DHTKD1: variants seen among roughly 807,000 people sequenced by gnomAD.
The protein encoded by DHTKD1 is dehydrogenase E1 and transketolase domain containing 1.
In DHTKD1, 78 loss-of-function variants were observed where a neutral mutation model predicts 101.8. The ratio of observed to expected loss-of-function variants is 0.77; its 90% CI spans 0.64 to 0.93. The LOEUF is 0.93. DHTKD1 is among the 40% of genes least tolerant of loss of function. The pLI, the probability that DHTKD1 is intolerant of heterozygous loss-of-function variation, is 0.00. For missense variants in DHTKD1, 1,223 were observed against 1,161.7 expected (o/e 1.05, Z -0.77); for synonymous variants, 462 against 450.3 (o/e 1.03, Z -0.33).
In DHTKD1 at chr10:12,076,294, G is replaced by A. The variant is rs1349197970; in HGVS notation, c.155-5178G>A. On this transcript the variant is annotated intron_variant, in intron 1 of 16. Transcript: ENST00000263035. Reference sequence around the variant, plus strand: ...AGATACAGACTATCCTGGCTAACACGGTGAAACCCCGTCTCTACTAAAATA... The same window carrying A: ...AGATACAGACTATCCTGGCTAACACAGTGAAACCCCGTCTCTACTAAAATA... 5.9e-5 allele frequency among the ~76,000 whole-genome samples: 9 copies of A among 152,176 alleles called. No homozygotes were observed. The South Asian group carries it at 1.0e-3, about 18-fold the overall frequency.
intron 1 of DHTKD1, among the ~76,000 whole-genome samples, chr10:12,080,719 A>G (rs939468021): frequency 2.0e-5 from 3 of 151,824 alleles, no homozygotes; most frequent in Admixed American, 6.6e-5. Context: ...TGAAAAAAAA[A>G]AAAAGAAAAG....
At chr10:12,089,903 T>A (rs1207031005) in intron 5 of DHTKD1, among the ~76,000 whole-genome samples, 1 of 152,060 alleles carries the variant, frequency 6.6e-6, no homozygotes, top group African/African-American at 2.4e-5. Context: ...ACTCCTGACC[T>A]CAAGTGATCC....
At chr10:12,094,375 T>A in intron 7 of DHTKD1, 104 bp downstream of exon 7, 2 of 1,030,628 alleles carry the variant, frequency 1.9e-6, no homozygotes, top group Non-Finnish European at 2.9e-6. Context: ...TGGAATGCAG[T>A]AGCACGATCT....
chr10:12,119,909 T>C (rs563718399), intron 15 of DHTKD1, among the ~76,000 whole-genome samples: 18 of 152,306 alleles, frequency 1.2e-4, no homozygotes, highest in Middle Eastern at 3.4e-3. Flanking sequence ...CTCAGAACAC[T>C]CACATTAGCT....
At chr10:12,086,498 C>T (rs1009372869) in intron 3 of DHTKD1, among the ~76,000 whole-genome samples, 13 of 151,548 alleles carry the variant, frequency 8.6e-5, no homozygotes, top group African/African-American at 3.2e-4. Context: ...GGATTACAGG[C>T]ATGAGCCACC....
At position 12,107,997 on chromosome 10, in the gene DHTKD1, A is replaced by T. The variant is rs779573262; in HGVS notation, c.2136A>T (p.Arg712=). The change falls in exon 12 of 17, where the codon CGA becomes CGT. Residue 712 remains arginine (R), a synonymous_variant. Transcript: ENST00000263035. The surrounding 1 kb of genome is among the most constrained non-coding windows in gnomAD (Gnocchi z 4.1). Reference sequence around the variant, plus strand: ...CTGGGCCAGACCACTCATCCTGTCGAATAGAGCGTTTCCTGCAGGTAAGGG... The same window carrying T: ...CTGGGCCAGACCACTCATCCTGTCGTATAGAGCGTTTCCTGCAGGTAAGGG... ...DGAGPDHSSC[R]IERFLQMCDS... is the part of the protein sequence containing the mutation. 1 of 1,613,792 alleles carries T rather than the reference A, an allele frequency of 6.2e-7. No individual in the cohort carries two copies. The highest frequency in any genetic ancestry group is 2.2e-5 in the East Asian group (1 of 44,866).
chr10:12,075,636 A>C (rs1832715016), intron 1 of DHTKD1, among the ~76,000 whole-genome samples: 1 of 152,126 alleles, frequency 6.6e-6, no homozygotes, highest in African/African-American at 2.4e-5. Context: ...CAGCCTCCCA[A>C]AGTGATTACA....
At position 12,094,225 on chromosome 10, in the gene DHTKD1, C is replaced by G; in HGVS notation, c.1312C>G (p.Leu438Val). 6.2e-7 allele frequency: 1 copy of G among 1,614,168 alleles called. No individual in the cohort carries two copies. Among genetic ancestry groups the G allele is most frequent in the Non-Finnish European group, 8.5e-7 (1 of 1,180,032 alleles). ...CTACAGGCAGTGGGGCCACAATGAG[C>G]TGGATGAGCCATTCTACACCAACCC... ...LCYRQWGHNELDEPFYTNPIM... is the reference protein window; with the variant it reads ...LCYRQWGHNEVDEPFYTNPIM... Residue 438 changes from leucine to valine, a missense_variant, in exon 7 of 17, where the codon CTG becomes GTG. Physicochemically the swap from Leu to Val is conservative, Grantham distance 32 (BLOSUM62 1). Coordinates refer to ENST00000263035, the MANE Select transcript of DHTKD1 (RefSeq NM_018706.7).
chr10:12,111,427 A>C (rs1165393690), intron 12 of DHTKD1, among the ~76,000 whole-genome samples: 2 of 152,182 alleles, frequency 1.3e-5, no homozygotes, highest in Admixed American at 1.3e-4. Context: ...TGGCCTCCCA[A>C]AGTGCTAGGA....
intron 3 of DHTKD1, among the ~76,000 whole-genome samples, 159 bp downstream of exon 3, chr10:12,084,910 G>T (rs544998156): frequency 6.6e-6 from 1 of 152,182 alleles, no homozygotes; most frequent in South Asian, 2.1e-4. Context: ...AATTAGCCAG[G>T]CATGCTGGTG....
chr10:12,104,163 A>G (rs1178570275), intron 10 of DHTKD1, among the ~76,000 whole-genome samples: 2 of 152,162 alleles, frequency 1.3e-5, no homozygotes, highest in Non-Finnish European at 2.9e-5. Context: ...CCATCCATGC[A>G]TGCAGCATGT....
intron 15 of DHTKD1, among the ~76,000 whole-genome samples, chr10:12,119,615 CAAA>C (rs71382684): frequency 3.1e-3 from 278 of 89,344 alleles, no homozygotes; most frequent in African/African-American, 1.0e-2. Flanking sequence ...GACTCCGTCT[CAAA>C]AAAAAAAAAA....
At chr10:12,098,901 T>C (rs992487255) in intron 8 of DHTKD1, among the ~76,000 whole-genome samples, 1 of 152,188 alleles carries the variant, frequency 6.6e-6, no homozygotes, top group Admixed American at 6.6e-5. Flanking sequence ...CCAGGCACGG[T>C]GGCTCCTATC....
intron 1 of DHTKD1, among the ~76,000 whole-genome samples, chr10:12,074,097 A>G (rs1832688391): frequency 2.0e-5 from 3 of 152,210 alleles, no homozygotes; most frequent in African/African-American, 4.8e-5. Flanking sequence ...TTTGGGCGGT[A>G]TTACGCCTAA....
chr10:12,106,203 G>A (rs769862516), intron 10 of DHTKD1, 43 bp from the exon 11 acceptor site: 17 of 1,611,286 alleles, frequency 1.1e-5, no homozygotes, highest in South Asian at 4.4e-5. Context: ...GTGCTCTGCC[G>A]TGGCCCTCAC....
chr10:12,097,630 C>T (rs1001357698), intron 7 of DHTKD1, 54 bp from the exon 8 acceptor site: 2 of 1,493,514 alleles, frequency 1.3e-6, no homozygotes, highest in African/African-American at 1.4e-5. Context: ...CTCCTTGTCT[C>T]TATTAGATTG....
chr10:12,083,857 G>C (rs529415449), intron 2 of DHTKD1, among the ~76,000 whole-genome samples: 22 of 152,162 alleles, frequency 1.4e-4, no homozygotes, highest in African/African-American at 4.8e-4. Flanking sequence ...CATGACCTTT[G>C]ACCATATTTT....
intron 3 of DHTKD1, among the ~76,000 whole-genome samples, chr10:12,086,753 C>T (rs903801960): frequency 6.6e-6 from 1 of 151,928 alleles, no homozygotes; most frequent in Non-Finnish European, 1.5e-5. Context: ...TGCAGTGGCA[C>T]GATCTCGGCT....
intron 6 of DHTKD1, among the ~76,000 whole-genome samples, chr10:12,092,775 C>T (rs192804172): frequency 3.3e-5 from 5 of 151,766 alleles, no homozygotes; most frequent in East Asian, 2.0e-4. Context: ...TGCACTACAG[C>T]GTGGGCAACA....
Sources: allele counts gnomAD v4.1 joint callset (sites outside exome capture counted in the v4.1 genomes callset), GRCh38; gene constraint gnomAD v4.1.1; non-coding constraint Gnocchi (gnomAD v3.1); transcripts MANE v1.5; gene names NCBI Gene and HGNC (gene_info 2026-07-23, HGNC 2026-07-21).